SDK1: variants seen among roughly 807,000 people sequenced by gnomAD.
SDK1 encodes protein sidekick-1.
SDK1 carries 157 observed loss-of-function variants against 245.5 expected under a neutral mutation model. That is an observed-to-expected ratio of 0.64 (90% CI 0.56 to 0.73). The LOEUF (loss-of-function observed/expected upper bound fraction) is 0.73. Ranked by LOEUF, SDK1 falls within the 30% of genes least tolerant of loss-of-function variation. The pLI is 0.00. For synonymous variants in SDK1, 1,647 were observed against 1,278.5 expected (o/e 1.29, Z -6.15); for missense variants, 3,583 against 3,002.3 (o/e 1.19, Z -4.52).
intron 5 of SDK1, among the ~76,000 whole-genome samples, chr7:3,902,729 C>A (rs1026181205): frequency 6.6e-6 from 1 of 152,146 alleles, no homozygotes; most frequent in African/African-American, 2.4e-5. Flanking sequence ...CCTGTCCATG[C>A]CTTGTACTCC....
intron 4 of SDK1, among the ~76,000 whole-genome samples, chr7:3,789,216 C>A (rs1160035224): frequency 5.3e-5 from 8 of 152,094 alleles, no homozygotes. Flanking sequence ...GGCATGATCT[C>A]AGCTCACCGC....
At chr7:4,099,123 G>C (rs1055882973) in intron 22 of SDK1, among the ~76,000 whole-genome samples, 1 of 151,954 alleles carries the variant, frequency 6.6e-6, no homozygotes, top group African/African-American at 2.4e-5. Context: ...ACCTTGAAGG[G>C]GACACAGTCT....
intron 1 of SDK1, among the ~76,000 whole-genome samples, chr7:3,326,790 C>G (rs887343532): frequency 1.3e-5 from 2 of 152,096 alleles, no homozygotes; most frequent in African/African-American, 4.8e-5. Flanking sequence ...TCATCTACAT[C>G]CCACCTGTTT....
intron 1 of SDK1, among the ~76,000 whole-genome samples, chr7:3,487,346 C>T (rs931539591): frequency 6.6e-6 from 1 of 151,974 alleles, no homozygotes; most frequent in Non-Finnish European, 1.5e-5. Flanking sequence ...ATGGAAAATC[C>T]TTATTTTTCT....
At chr7:4,010,781 G>A (rs911911564) in intron 14 of SDK1, among the ~76,000 whole-genome samples, 185 bp from the exon 15 acceptor site, 1 of 152,194 alleles carries the variant, frequency 6.6e-6, no homozygotes, top group African/African-American at 2.4e-5. Flanking sequence ...TTTCTGGCTT[G>A]TAAGTTACTA....
chr7:4,011,373 G>A (rs1029448609), intron 15 of SDK1, among the ~76,000 whole-genome samples: 1 of 152,156 alleles, frequency 6.6e-6, no homozygotes, highest in African/African-American at 2.4e-5. Context: ...TACATAAATC[G>A]CTCCTGACAG....
chr7:4,052,955 C>T (rs1387099901), intron 19 of SDK1, among the ~76,000 whole-genome samples: 1 of 151,668 alleles, frequency 6.6e-6, no homozygotes, highest in African/African-American at 2.4e-5. Context: ...GGTGTGGTGG[C>T]AGGCGCCTGT....
chr7:3,904,813 A>G (rs1468220803), intron 5 of SDK1, among the ~76,000 whole-genome samples: 1 of 152,092 alleles, frequency 6.6e-6, no homozygotes, highest in African/African-American at 2.4e-5. Flanking sequence ...AGAACACAAT[A>G]GAATCCCGTC....
At chr7:4,265,066 C>A in intron 44 of SDK1, 58 bp from the exon 45 acceptor site, 1 of 1,501,876 alleles carries the variant, frequency 6.7e-7, no homozygotes, top group Non-Finnish European at 8.9e-7. Context: ...TCCTGCCCAG[C>A]ACGCTCCGGG....
At chr7:4,233,542 A>G in intron 41 of SDK1, 123 bp downstream of exon 41, 1 of 920,928 alleles carries the variant, frequency 1.1e-6, no homozygotes, top group South Asian at 1.7e-5. Context: ...GTCGAGGGGG[A>G]CCCAGGGAGG....
Position 4,245,890 on chromosome 7 carries a change from C to A in SDK1, c.6381+85C>A, listed in dbSNP as rs577600222. The A allele has an allele frequency of 1.4e-5, 21 of 1,511,166 alleles. No individual in the cohort carries two copies. The East Asian group carries it at 4.6e-4, about 33-fold the overall frequency. 93.6% of individuals were successfully genotyped at this position (1,511,166 alleles called of 1,614,324 possible). A position where few individuals can be genotyped will look rare whatever the true frequency, so the allele number is the denominator to read the frequency against. On this transcript the variant is annotated intron_variant, in intron 44 of 44. Transcript: ENST00000404826. ...TTCTGCCCCCTCAGGCTGTCTTGTC[C>A]TATTTGAGTCTCATAACATCCCCAC...
intron 1 of SDK1, among the ~76,000 whole-genome samples, chr7:3,502,226 T>C: frequency 6.6e-6 from 1 of 151,848 alleles, no homozygotes; most frequent in Middle Eastern, 3.4e-3. Context: ...TTCAAAGATT[T>C]TTTTTTAATT....
chr7:3,952,535 A>G (rs568652791), intron 7 of SDK1, among the ~76,000 whole-genome samples: 54 of 152,300 alleles, frequency 3.5e-4, no homozygotes, highest in African/African-American at 1.2e-3. Context: ...GTGAGCCAAG[A>G]TCGCATCATT....
At chr7:3,748,570 C>T (rs1485769415) in intron 4 of SDK1, among the ~76,000 whole-genome samples, 1 of 152,156 alleles carries the variant, frequency 6.6e-6, no homozygotes, top group Non-Finnish European at 1.5e-5. Context: ...ATACACTATT[C>T]AGTCACATGG....
chr7:4,032,441 G>A (rs776899149), intron 17 of SDK1, among the ~76,000 whole-genome samples: 39 of 152,200 alleles, frequency 2.6e-4, no homozygotes, highest in Non-Finnish European at 4.1e-4. Flanking sequence ...AGGCAGAAGC[G>A]TAAGGTAGTC....
chr7:4,267,200 T>C lies in SDK1; in HGVS notation c.*1816T>C. ...CCTCCCTTCCTTCCCCTCCTTCCTT[T>C]CCTTTACCCCTCCTTTCCTTCCTTC... is the stretch of plus-strand genomic sequence containing the variant. On this transcript the variant is annotated 3_prime_UTR_variant, in exon 45 of 45. Transcript: ENST00000404826. The C allele has an allele frequency of 1.1e-6, 1 of 944,892 alleles. No individual in the cohort carries two copies. Among genetic ancestry groups the C allele is most frequent in the Non-Finnish European group, 1.3e-6 (1 of 793,508 alleles). The allele number at this position is 944,892 out of a possible 1,614,324, so 58.5% of individuals were successfully genotyped here. A position where few individuals can be genotyped will look rare whatever the true frequency, so the allele number is the denominator to read the frequency against.
At chr7:4,039,833 G>A (rs1788481165) in intron 17 of SDK1, among the ~76,000 whole-genome samples, 1 of 152,098 alleles carries the variant, frequency 6.6e-6, no homozygotes, top group East Asian at 1.9e-4. Flanking sequence ...GAAGGGAAGG[G>A]GGTGGGGGAG....
At chr7:3,710,336 A>C (rs1196903831) in intron 4 of SDK1, among the ~76,000 whole-genome samples, 1 of 152,208 alleles carries the variant, frequency 6.6e-6, no homozygotes, top group Non-Finnish European at 1.5e-5. Flanking sequence ...CTGAACACAC[A>C]CTTAGTAACT....
chr7:3,319,878 C>CGTTTTTTTTTTTTTTTTTTTT (rs1779754865), intron 1 of SDK1, among the ~76,000 whole-genome samples: 1 of 88,102 alleles, frequency 1.1e-5, no homozygotes, highest in Non-Finnish European at 2.2e-5. Flanking sequence ...CATTCTTAGT[C>CGTTTTTTTTTTTTTTTTTTTT]TTTTTTTTTT....
Sources: gnomAD v4.1 joint callset for allele counts (sites outside exome capture counted in the v4.1 genomes callset) on GRCh38, gnomAD v4.1.1 for gene constraint, MANE v1.5 for transcripts, NCBI Gene and HGNC (gene_info 2026-07-23, HGNC 2026-07-21) for gene names.